ACSL4: variants seen among roughly 807,000 people sequenced by gnomAD.
ACSL4 encodes the protein acyl-CoA synthetase long chain family member 4.
A neutral mutation model predicts 49.1 loss-of-function variants in ACSL4; 9 were observed. The observed-to-expected ratio is 0.18, with a 90% confidence interval of 0.11 to 0.32. The LOEUF is 0.32. Ranked by LOEUF, ACSL4 falls within the 10% of genes least tolerant of loss-of-function variation. The pLI, the probability that ACSL4 is intolerant of heterozygous loss-of-function variation, is 1.00. For synonymous variants in ACSL4, 191 were observed against 170.3 expected, an observed-to-expected ratio of 1.12 and a Z score of -0.95; for missense variants, 333 against 493.7, an observed-to-expected ratio of 0.67 and a Z score of 3.08.
chrX:109,677,901 T>C, intron 8 of ACSL4, 87 bp downstream of exon 8: 1 of 1,155,565 alleles, frequency 8.7e-7, no homozygotes, highest in East Asian at 3.0e-5. Context: ...TTTAGCTGAA[T>C]TAAAATATCT....
At chrX:109,684,505 T>G (rs1214145750) in intron 2 of ACSL4, among the ~76,000 whole-genome samples, 1 of 111,685 alleles carries the variant, frequency 9.0e-6, no homozygotes, top group Non-Finnish European at 1.9e-5. Context: ...TAAAGTGGAG[T>G]TGCTCTGGCC....
chrX:109,726,799 C>T (rs1928032513), intron 1 of ACSL4, among the ~76,000 whole-genome samples: 1 of 111,788 alleles, frequency 8.9e-6, no homozygotes, highest in African/African-American at 3.3e-5. Context: ...CCACTTCAGC[C>T]TCTGGAGTAG....
intron 15 of ACSL4, among the ~76,000 whole-genome samples, chrX:109,651,626 C>T (rs772256120): frequency 1.8e-5 from 2 of 111,799 alleles, no homozygotes; most frequent in African/African-American, 6.5e-5. Flanking sequence ...CTGCTCCCAA[C>T]GTCACATTTG....
At chrX:109,650,759 A>G (rs1278201508) in intron 15 of ACSL4, among the ~76,000 whole-genome samples, 1 of 112,204 alleles carries the variant, frequency 8.9e-6, no homozygotes, top group East Asian at 2.8e-4. Flanking sequence ...CAAAGTAGTT[A>G]TCACCACCCA....
At chrX:109,690,759 G>GT (rs1491402311) in intron 2 of ACSL4, among the ~76,000 whole-genome samples, 7 of 80,464 alleles carry the variant, frequency 8.7e-5, no homozygotes, top group African/African-American at 2.8e-4. Context: ...AGACATTTTA[G>GT]GGGGGGGGGG....
At chrX:109,716,134 T>C (rs964786594) in intron 1 of ACSL4, among the ~76,000 whole-genome samples, 16 of 111,755 alleles carry the variant, frequency 1.4e-4, no homozygotes, top group African/African-American at 4.6e-4. Context: ...AGTAAGTATA[T>C]ACTATGCCCT....
Position 109,669,106 on chromosome X carries a change from G to T in ACSL4, c.1070C>A (p.Thr357Asn). The T allele has an allele frequency of 1.7e-6, 2 of 1,178,147 alleles. No individual in the cohort carries two copies. The highest frequency in any genetic ancestry group is 2.3e-6 in the Non-Finnish European group (2 of 866,536). The change falls in exon 10 of 16, where the codon ACT becomes AAT. Residue 357 changes from threonine (T) to asparagine (N), a missense_variant. This residue lies in a region of ACSL4 where 175 missense variants were observed against 275.8 expected (regional missense o/e 0.63). Coordinates refer to ENST00000672401, the MANE Select transcript of ACSL4 (RefSeq NM_001318510.2). ...GTAATCATACCCTATCTTGAACAGAGTTTTCTGAATATAATTCATCTCTTG... is the reference window on the plus strand; with the variant it reads ...GTAATCATACCCTATCTTGAACAGATTTTTCTGAATATAATTCATCTCTTG... The part of the protein sequence containing the change: ...KVQEMNYIQK[T>N]LFKIGYDYKL...
intron 9 of ACSL4, among the ~76,000 whole-genome samples, chrX:109,671,584 T>C (rs1241895617): frequency 8.9e-6 from 1 of 112,367 alleles, no homozygotes; most frequent in East Asian, 2.8e-4. Context: ...GTGTACCCAA[T>C]AGCTCATTGA....
At chrX:109,647,427 G>T (rs1175144334) in intron 15 of ACSL4, among the ~76,000 whole-genome samples, 1 of 111,469 alleles carries the variant, frequency 9.0e-6, no homozygotes, top group Non-Finnish European at 1.9e-5. Context: ...ATGACTTCTG[G>T]GTACATAACG....
chrX:109,731,781 T>A (rs761814671), intron 1 of ACSL4, among the ~76,000 whole-genome samples: 1 of 111,913 alleles, frequency 8.9e-6, no homozygotes, highest in Non-Finnish European at 1.9e-5. Flanking sequence ...GAGTCTTACA[T>A]GTCTTACACT....
Position 109,724,349 on chromosome X carries a change from G to A in ACSL4, c.-66+8790C>T, listed in dbSNP as rs764246100. Among the ~76,000 whole-genome samples the A allele has an allele frequency of 4.4e-4, 49 of 110,887 alleles. No homozygotes were observed. The East Asian group carries it at 8.8e-3, about 20-fold the overall frequency. On this transcript the variant is annotated intron_variant, in intron 1 of 15. Transcript: ENST00000672401. ...GAATGCAGTGGAGTGACCTTGGATC[G>A]CTGCAACCTCTGCCTCCCGGGCACA...
intron 2 of ACSL4, among the ~76,000 whole-genome samples, chrX:109,689,895 C>T (rs1348799391): frequency 8.9e-6 from 1 of 111,858 alleles, no homozygotes; most frequent in African/African-American, 3.3e-5. Flanking sequence ...ACAGTGCCTC[C>T]GTGTGTTGGC....
rs1293084867 is a variant in ACSL4 at position 109,642,147 on chromosome X, G to A, written c.*1882C>T. 9.0e-6 allele frequency: 1 copy of A among 110,813 alleles called. No homozygotes were observed. Among genetic ancestry groups the A allele is most frequent in the Admixed American group, 9.7e-5 (1 of 10,260 alleles). The allele number at this position is 110,813 out of a possible 1,213,427, so 9.1% of individuals were successfully genotyped here. A position where few individuals can be genotyped will look rare whatever the true frequency, so the allele number is the denominator to read the frequency against. On this transcript the variant is annotated 3_prime_UTR_variant, in exon 16 of 16. Coordinates refer to ENST00000672401, the MANE Select transcript of ACSL4 (RefSeq NM_001318510.2). ...GCTTTTGGGAGTTGGGGGCAGATTG[G>A]GGGTGCAAATATCTGAGATAAGATA... is the stretch of plus-strand genomic sequence containing the variant.
At chrX:109,714,855 T>C (rs746655291) in intron 1 of ACSL4, among the ~76,000 whole-genome samples, 1 of 112,203 alleles carries the variant, frequency 8.9e-6, no homozygotes, top group East Asian at 2.8e-4. Context: ...TCAGAACATG[T>C]CCCTGTCATT....
In ACSL4 at chrX:109,733,246, G is replaced by C. The variant is rs891125045; in HGVS notation, c.-173C>G. The C allele has an allele frequency of 1.3e-5, 4 of 312,311 alleles. No homozygotes were observed. The highest frequency in any genetic ancestry group is 2.5e-5 in the Non-Finnish European group (4 of 163,208). 25.7% of individuals were successfully genotyped at this position (312,311 alleles called of 1,213,427 possible). On this transcript the variant is annotated 5_prime_UTR_variant, in exon 1 of 16. Coordinates refer to ENST00000672401, the MANE Select transcript of ACSL4 (RefSeq NM_001318510.2). ...AGCGCTGGGACGAGGAGGAGCGCGC[G>C]GCGGAGGCCAGAGAAAAAGCCGCAG...
At chrX:109,707,316 T>C (rs983400970) in intron 1 of ACSL4, among the ~76,000 whole-genome samples, 1 of 111,962 alleles carries the variant, frequency 8.9e-6, no homozygotes, top group African/African-American at 3.2e-5. Flanking sequence ...AATAAAGAAA[T>C]TACTCAGTGC....
At chrX:109,679,129 C>G (rs745630439) in intron 6 of ACSL4, among the ~76,000 whole-genome samples, 2 of 112,030 alleles carry the variant, frequency 1.8e-5, no homozygotes, top group South Asian at 7.4e-4. Context: ...TCTGAAAATT[C>G]AGATTCAATA....
rs1233462387 is a variant in ACSL4 at position 109,642,313 on chromosome X, G to A, written c.*1716C>T. Reference sequence around the variant, plus strand: ...GAACAGTAGTCTACTTGATAATAATGGTATTTCACTCTTCAAAGGCAAGTT... The same window carrying A: ...GAACAGTAGTCTACTTGATAATAATAGTATTTCACTCTTCAAAGGCAAGTT... On this transcript the variant is annotated 3_prime_UTR_variant, in exon 16 of 16. Transcript: ENST00000672401. The A allele has an allele frequency of 9.0e-6, 1 of 111,351 alleles. No homozygotes were observed. Among genetic ancestry groups the A allele is most frequent in the Admixed American group, 9.6e-5 (1 of 10,376 alleles). 9.2% of individuals were successfully genotyped at this position (111,351 alleles called of 1,213,427 possible).
chrX:109,669,621 C>G (rs967486383), intron 9 of ACSL4, among the ~76,000 whole-genome samples: 19 of 111,726 alleles, frequency 1.7e-4, no homozygotes, highest in Non-Finnish European at 3.2e-4. Context: ...TGTCGAACTC[C>G]TGACTTCGTG....
Sources: allele counts gnomAD v4.1 joint callset (sites outside exome capture counted in the v4.1 genomes callset), GRCh38; gene constraint gnomAD v4.1.1; regional missense constraint gnomAD v4.1.1; transcripts MANE v1.5; gene names NCBI Gene and HGNC (gene_info 2026-07-23, HGNC 2026-07-21).